FAM131A: variants seen among roughly 807,000 people sequenced by gnomAD.
FAM131A encodes family with sequence similarity 131 member A.
FAM131A carries 24 observed loss-of-function variants against 39.2 expected under a neutral mutation model. The ratio of observed to expected loss-of-function variants is 0.61; its 90% CI spans 0.44 to 0.86. The LOEUF is 0.86. Ranked by LOEUF, FAM131A falls within the 40% of genes least tolerant of loss-of-function variation. The pLI is 0.00. For missense variants in FAM131A, 373 were observed against 481.2 expected (o/e 0.78, Z 2.10); for synonymous variants, 202 against 206.8 (o/e 0.98, Z 0.20).
Position 184,342,930 on chromosome 3 carries a change from A to G in FAM131A, c.625+70A>G. On this transcript the variant is annotated intron_variant, in intron 5 of 5. Coordinates refer to ENST00000383847, the MANE Select transcript of FAM131A (RefSeq NM_144635.5). The surrounding 1 kb of genome is among the most constrained non-coding windows in gnomAD (Gnocchi z 4.6). ...GACCTTGGCATTCTTTCAGAGCCAC[A>G]TCCAGAACACTCTCAGCCTTTGCAA... 1 of 1,334,040 alleles carries G rather than the reference A, an allele frequency of 7.5e-7. No homozygotes were observed. Among genetic ancestry groups the G allele is most frequent in the Non-Finnish European group, 1.1e-6 (1 of 930,566 alleles). The allele number at this position is 1,334,040 out of a possible 1,614,324, so 82.6% of individuals were successfully genotyped here.
At position 184,345,178 on chromosome 3, in the gene FAM131A, C is replaced by G. The variant is rs1243173432; in HGVS notation, c.*208C>G. 3.9e-5 allele frequency: 23 copies of G among 595,880 alleles called. No homozygotes were observed. The highest frequency in any genetic ancestry group is 1.0e-4 in the Admixed American group (3 of 29,450). The allele number at this position is 595,880 out of a possible 1,614,324, so 36.9% of individuals were successfully genotyped here. On this transcript the variant is annotated 3_prime_UTR_variant, in exon 6 of 6. Transcript: ENST00000383847. ...GGGGGCGCATGTCCTGCCCCCACTC[C>G]CGGGGCTTGCCGGGGGTTGCCCGGG...
In FAM131A at chr3:184,338,544, G is replaced by A; in HGVS notation, c.231+15G>A. 6.5e-7 allele frequency: 1 copy of A among 1,535,892 alleles called. No individual in the cohort carries two copies. Among genetic ancestry groups the A allele is most frequent in the Middle Eastern group, 1.7e-4 (1 of 5,978 alleles). On this transcript the variant is annotated intron_variant, in intron 2 of 5. Coordinates refer to ENST00000383847, the MANE Select transcript of FAM131A (RefSeq NM_144635.5). ...ACTTGCCAGAGGTGCTGGGCCCCTG[G>A]TGGTGGGGGGAAGGAGGACGTCATC...
intron 2 of FAM131A, chr3:184,338,732 C>T: frequency 1.7e-6 from 1 of 583,942 alleles, no homozygotes; most frequent in African/African-American, 2.0e-5. Flanking sequence ...TCGCGCCTTC[C>T]GCGCTGACGT....
intron 5 of FAM131A, 130 bp from the exon 6 acceptor site, chr3:184,344,365 G>C (rs1315168914): frequency 2.5e-6 from 2 of 803,462 alleles, no homozygotes; most frequent in African/African-American, 1.7e-5. Flanking sequence ...AGTTGTGACT[G>C]GTTCAAGGTT....
intron 3 of FAM131A, 86 bp downstream of exon 3, chr3:184,341,903 A>T (rs549907389): frequency 6.6e-7 from 1 of 1,525,632 alleles, no homozygotes; most frequent in South Asian, 1.1e-5. Flanking sequence ...CTGTGAGTAC[A>T]TGCTGGGGTC....
In FAM131A at chr3:184,344,749, C is replaced by A; in HGVS notation, c.880C>A (p.Arg294Ser). Residue 294 changes from arginine (R) to serine (S), a missense_variant, in exon 6 of 6, where the codon CGC becomes AGC. Around this residue, in one of 2 missense-constraint regions of FAM131A, gnomAD observed 152 missense variants for 133.5 expected, o/e 1.14. Coordinates refer to ENST00000383847, the MANE Select transcript of FAM131A (RefSeq NM_144635.5). ...KLPPSRESAF[R>S]SLGPLEAQDS... ...GCCCCCCAGCCGGGAAAGTGCCTTC[C>A]GCAGCCTGGGCCCACTGGAGGCCCA... The A allele has an allele frequency of 1.2e-6, 2 of 1,612,348 alleles. No homozygotes were observed. The highest frequency in any genetic ancestry group is 1.1e-5 in the South Asian group (1 of 91,090).
In FAM131A at chr3:184,344,754, C is replaced by A. The variant is rs1261838839; in HGVS notation, c.885C>A (p.Ser295Arg). Residue 295 changes from serine to arginine, a missense_variant, in exon 6 of 6, where the codon AGC (serine) becomes AGA (arginine). Around this residue, in one of 2 missense-constraint regions of FAM131A, gnomAD observed 152 missense variants for 133.5 expected, o/e 1.14. Coordinates refer to ENST00000383847, the MANE Select transcript of FAM131A (RefSeq NM_144635.5). Reference protein sequence around the residue: ...LPPSRESAFRSLGPLEAQDSL... With the variant: ...LPPSRESAFRRLGPLEAQDSL... ...CCAGCCGGGAAAGTGCCTTCCGCAG[C>A]CTGGGCCCACTGGAGGCCCAGGACT... 1 of 1,612,390 alleles carries A rather than the reference C, an allele frequency of 6.2e-7. No individual in the cohort carries two copies. The highest frequency in any genetic ancestry group is 1.3e-5 in the African/African-American group (1 of 75,068).
chr3:184,336,218 T>A (rs1313956435), upstream of FAM131A: 1 of 152,250 alleles, frequency 6.6e-6, no homozygotes, highest in Admixed American at 6.5e-5. The surrounding 1 kb of genome is among the most constrained non-coding windows in gnomAD (Gnocchi z 5.5). Flanking sequence ...AGGGGGCCGG[T>A]GTCGGGAGAG....
At chr3:184,338,617 T>G in intron 2 of FAM131A, 88 bp downstream of exon 2, 1 of 1,481,232 alleles carries the variant, frequency 6.8e-7, no homozygotes, top group Non-Finnish European at 9.0e-7. Flanking sequence ...CCAGCCAGCT[T>G]CTGGCTCCCT....
In FAM131A at chr3:184,342,474, A is replaced by G. The variant is rs1225314938; in HGVS notation, c.508+226A>G. ...AGTTGCCTGCCACCGTGCCTGGCTA[A>G]TTTTTGTAGTTTTAGTAGAGATGGG... On this transcript the variant is annotated intron_variant, in intron 4 of 5. Coordinates refer to ENST00000383847, the MANE Select transcript of FAM131A (RefSeq NM_144635.5). The surrounding 1 kb of genome is among the most constrained non-coding windows in gnomAD (Gnocchi z 4.6). Among the ~76,000 whole-genome samples the G allele has an allele frequency of 6.6e-6, 1 of 152,036 alleles. No homozygotes were observed. The highest frequency in any genetic ancestry group is 2.4e-5 in the African/African-American group (1 of 41,382).
In FAM131A at chr3:184,338,506, G is replaced by C; in HGVS notation, c.208G>C (p.Val70Leu). ...GWSRSSRPSS[V>L]DSQDLPEVNV... ...GAGCAGGTCCTCCCGCCCTTCCTCG[G>C]TGGACAGTCAGGACTTGCCAGAGGT... Residue 70 changes from valine (V) to leucine (L), a missense_variant, in exon 2 of 6, where the codon GTG becomes CTG. This residue lies in a region of FAM131A where 221 missense variants were observed against 347.7 expected (regional missense o/e 0.64). Transcript: ENST00000383847. 1 of 1,536,600 alleles carries C rather than the reference G, an allele frequency of 6.5e-7. No individual in the cohort carries two copies. The highest frequency in any genetic ancestry group is 1.2e-5 in the South Asian group (1 of 84,000).
chr3:184,344,716 G>A lies in FAM131A; in HGVS notation c.847G>A (p.Ala283Thr), dbSNP rs1426892481. Residue 283 changes from alanine (A) to threonine (T), a missense_variant, in exon 6 of 6, where the codon GCC becomes ACC. Transcript: ENST00000383847. ...SQLLGDELLL[A>T]KLPPSRESAF... The stretch of plus-strand genomic sequence containing the variant: ...GCTGCTGGGCGATGAGCTGCTTCTC[G>A]CCAAACTGCCCCCCAGCCGGGAAAG... The A allele has an allele frequency of 3.1e-6, 5 of 1,612,168 alleles. No homozygotes were observed. The highest frequency in any genetic ancestry group is 1.1e-5 in the South Asian group (1 of 91,056).
chr3:184,345,535 C>T lies in FAM131A; in HGVS notation c.*565C>T. ...TCGTGCTGTGCTTCATTCACCTCTCCATCGTCTCTAAATCTTCCTCTTTTT... is the reference window on the plus strand; with the variant it reads ...TCGTGCTGTGCTTCATTCACCTCTCTATCGTCTCTAAATCTTCCTCTTTTT... On this transcript the variant is annotated 3_prime_UTR_variant, in exon 6 of 6. Transcript: ENST00000383847. The T allele has an allele frequency of 1.4e-6, 1 of 703,182 alleles. No individual in the cohort carries two copies. The highest frequency in any genetic ancestry group is 2.6e-6 in the Non-Finnish European group (1 of 385,038). 43.6% of individuals were successfully genotyped at this position (703,182 alleles called of 1,614,324 possible).
upstream of FAM131A, among the ~76,000 whole-genome samples, chr3:184,336,496 C>T (rs911268023): frequency 5.3e-5 from 8 of 152,178 alleles, no homozygotes; most frequent in African/African-American, 1.7e-4. The surrounding 1 kb of genome is among the most constrained non-coding windows in gnomAD (Gnocchi z 5.5). Context: ...CACTCCCCTC[C>T]GCCTACACCT....
Position 184,342,898 on chromosome 3 carries a change from C to T in FAM131A, c.625+38C>T, listed in dbSNP as rs779910983. 10 of 1,535,460 alleles carry T rather than the reference C, an allele frequency of 6.5e-6. No homozygotes were observed. Among genetic ancestry groups the T allele is most frequent in the East Asian group, 2.3e-5 (1 of 44,086 alleles). On this transcript the variant is annotated intron_variant, in intron 5 of 5. Transcript: ENST00000383847. The surrounding 1 kb of genome is among the most constrained non-coding windows in gnomAD (Gnocchi z 4.6). ...CTGGGCTAGGGCTGTGGTGGACCCA[C>T]CTGATAGACCTTGGCATTCTTTCAG...
intron 2 of FAM131A, 135 bp downstream of exon 2, chr3:184,338,664 G>C: frequency 8.4e-7 from 1 of 1,191,530 alleles, no homozygotes; most frequent in Non-Finnish European, 1.2e-6. Flanking sequence ...GCGGCGGGCC[G>C]GGAGGCCGCC....
At chr3:184,343,081 A>T in intron 5 of FAM131A, 7 of 229,648 alleles carry the variant, frequency 3.0e-5, no homozygotes, top group South Asian at 1.0e-4. Context: ...ACAGGTGCTG[A>T]GGCTTCTCTG....
chr3:184,337,774 G>T, intron 1 of FAM131A, 56 bp downstream of exon 1: 1 of 1,487,834 alleles, frequency 6.7e-7, no homozygotes, highest in Non-Finnish European at 9.1e-7. Context: ...TGAGCAGTAG[G>T]GTGCTTAGGT....
chr3:184,344,473 T>G (rs761687667), intron 5 of FAM131A, 22 bp from the exon 6 acceptor site: 2 of 1,513,904 alleles, frequency 1.3e-6, no homozygotes, highest in Non-Finnish European at 1.8e-6. Context: ...CAGGACTGTC[T>G]TCTTTTCTCT....
Sources: allele counts gnomAD v4.1 joint callset (sites outside exome capture counted in the v4.1 genomes callset), GRCh38; gene constraint gnomAD v4.1.1; regional missense constraint gnomAD v4.1.1; non-coding constraint Gnocchi (gnomAD v3.1); transcripts MANE v1.5; gene names NCBI Gene and HGNC (gene_info 2026-07-23, HGNC 2026-07-21).